Variants in GNAO1 observed in about 807,000 individuals in gnomAD.
The protein encoded by GNAO1 is G protein subunit alpha o1, also known as guanine nucleotide-binding protein G(o) subunit alpha.
For missense variants in GNAO1, 166 were observed against 478.7 expected (o/e 0.35, Z 6.10); for synonymous variants, 164 against 180.7 (o/e 0.91, Z 0.74).
chr16:56,296,332 C>G (rs2037287966), intron 3 of GNAO1, among the ~76,000 whole-genome samples: 1 of 152,074 alleles, frequency 6.6e-6, no homozygotes, highest in African/African-American at 2.4e-5. Flanking sequence ...ATGTAAATCC[C>G]CCAAAGACTG....
intron 3 of GNAO1, among the ~76,000 whole-genome samples, chr16:56,304,205 C>T (rs1596853466): frequency 6.6e-6 from 1 of 152,214 alleles, no homozygotes; most frequent in Admixed American, 6.5e-5. Flanking sequence ...AGAGCAGAGA[C>T]CCTGCTGCCC....
Position 56,328,636 on chromosome 16 carries a change from C to T in GNAO1, c.309C>T (p.Asp103=), listed in dbSNP as rs372103298. ...CCATCCACCTCTCCTCACAGGCTGA[C>T]GCCAAGATGGTGTGTGATGTGGTGA... ...IEYGDKERKA[D]AKMVCDVVSR... The change falls in exon 4 of 9, where the codon GAC becomes GAT. Residue 103 remains aspartate (D), a synonymous_variant. Transcript: ENST00000262493. 9.3e-6 allele frequency: 15 copies of T among 1,613,760 alleles called. No individual in the cohort carries two copies. The highest frequency in any genetic ancestry group is 6.7e-5 in the African/African-American group (5 of 74,958).
intron 3 of GNAO1, among the ~76,000 whole-genome samples, chr16:56,319,377 A>T (rs745656515): frequency 2.0e-4 from 31 of 152,138 alleles, no homozygotes; most frequent in Non-Finnish European, 3.8e-4. Context: ...AGAAGGTGCT[A>T]TGACAGGAGA....
At chr16:56,282,628 G>A (rs1286599133) in intron 3 of GNAO1, among the ~76,000 whole-genome samples, 1 of 152,206 alleles carries the variant, frequency 6.6e-6, no homozygotes, top group African/African-American at 2.4e-5. Flanking sequence ...GGAGAGTCAG[G>A]CAGCTCATGC....
intron 3 of GNAO1, among the ~76,000 whole-genome samples, chr16:56,300,003 G>C (rs1476754689): frequency 1.4e-5 from 2 of 141,462 alleles, no homozygotes; most frequent in African/African-American, 2.6e-5. Flanking sequence ...AGGCAGATTG[G>C]GGTTCGTGTG....
chr16:56,345,322 T>A, intron 6 of GNAO1: 1 of 985,424 alleles, frequency 1.0e-6, no homozygotes, highest in Non-Finnish European at 1.2e-6. Context: ...GGGTACCCAC[T>A]GACAGGCCTC....
chr16:56,337,460 C>A (rs369532170), intron 6 of GNAO1, among the ~76,000 whole-genome samples: 1 of 152,158 alleles, frequency 6.6e-6, no homozygotes, highest in African/African-American at 2.4e-5. Flanking sequence ...TTGCCAAATG[C>A]CAGACCAGGC....
intron 2 of GNAO1, chr16:56,235,122 GT>G (rs1283037457): frequency 2.8e-6 from 1 of 353,296 alleles, no homozygotes; most frequent in African/African-American, 2.1e-5. Context: ...TCAGGGTGCA[GT>G]TCGAAGAGGA....
rs1224283217 is a variant in GNAO1 at position 56,356,196 on chromosome 16, C to T, written c.*122C>T. On this transcript the variant is annotated 3_prime_UTR_variant, in exon 9 of 9. Transcript: ENST00000262493. The stretch of plus-strand genomic sequence containing the variant: ...CACACAGCCTTTCTGTATCAAGCCC[C>T]TGTCTAACCTACGACCCCAGAGTGA... The T allele has an allele frequency of 6.6e-6, 1 of 152,668 alleles. No individual in the cohort carries two copies. Among genetic ancestry groups the T allele is most frequent in the Admixed American group, 6.5e-5 (1 of 15,286 alleles). The allele number at this position is 152,668 out of a possible 1,614,324, so 9.5% of individuals were successfully genotyped here. A position where few individuals can be genotyped will look rare whatever the true frequency, so the allele number is the denominator to read the frequency against.
intron 2 of GNAO1, among the ~76,000 whole-genome samples, chr16:56,267,938 T>G (rs1415828914): frequency 6.6e-6 from 1 of 151,658 alleles, no homozygotes; most frequent in Non-Finnish European, 1.5e-5. Flanking sequence ...AGCTGGATCT[T>G]TTAAGACAGA....
chr16:56,252,867 T>TC (rs1480335335), intron 2 of GNAO1, among the ~76,000 whole-genome samples: 2 of 151,772 alleles, frequency 1.3e-5, no homozygotes, highest in Admixed American at 6.6e-5. Context: ...CATTGGCCTG[T>TC]CCCCCCCACC....
At chr16:56,287,064 C>T in intron 3 of GNAO1, among the ~76,000 whole-genome samples, 1 of 152,324 alleles carries the variant, frequency 6.6e-6, no homozygotes, top group East Asian at 1.9e-4. Flanking sequence ...CACTGCTGCT[C>T]CCATGGCAGC....
chr16:56,282,952 C>T (rs1270257519), intron 3 of GNAO1, among the ~76,000 whole-genome samples: 1 of 152,112 alleles, frequency 6.6e-6, no homozygotes, highest in Non-Finnish European at 1.5e-5. Context: ...AGAAGAAAGA[C>T]CGGCGATCAG....
intron 6 of GNAO1, chr16:56,341,029 G>C (rs1302408601): frequency 1.9e-6 from 3 of 1,563,048 alleles, no homozygotes; most frequent in Non-Finnish European, 2.6e-6. Flanking sequence ...GAGGGAGCGG[G>C]CCCCGTTCCC....
chr16:56,322,141 G>A (rs1402802396), intron 3 of GNAO1, among the ~76,000 whole-genome samples: 5 of 152,106 alleles, frequency 3.3e-5, no homozygotes, highest in Admixed American at 3.3e-4. Flanking sequence ...CCACCTTTAA[G>A]ACCTAATCAC....
At chr16:56,267,738 A>G (rs1316002909) in intron 2 of GNAO1, among the ~76,000 whole-genome samples, 3 of 152,146 alleles carry the variant, frequency 2.0e-5, no homozygotes, top group Non-Finnish European at 2.9e-5. Flanking sequence ...GTTCTTCCCT[A>G]TTAGAATGCA....
intron 2 of GNAO1, among the ~76,000 whole-genome samples, chr16:56,209,040 C>A (rs1209494616): frequency 2.0e-5 from 3 of 151,884 alleles, no homozygotes; most frequent in Non-Finnish European, 4.4e-5. Context: ...TTGTGTGTGT[C>A]CTATTTAAGA....
intron 2 of GNAO1, 141 bp downstream of exon 2, chr16:56,192,757 T>C (rs1238450969): frequency 6.0e-5 from 36 of 595,706 alleles, no homozygotes; most frequent in Non-Finnish European, 1.1e-4. Flanking sequence ...CACACCCCTA[T>C]ATTTGACTCC....
At chr16:56,341,100 A>G in intron 6 of GNAO1, 2 of 827,694 alleles carry the variant, frequency 2.4e-6, no homozygotes, top group Non-Finnish European at 3.9e-6. Flanking sequence ...CAGAGAATCC[A>G]CACAAACGGT....
Sources: allele counts gnomAD v4.1 joint callset (sites outside exome capture counted in the v4.1 genomes callset), GRCh38; gene constraint gnomAD v4.1.1; transcripts MANE v1.5; gene names NCBI Gene and HGNC (gene_info 2026-07-23, HGNC 2026-07-21).